The following ADAMTS16 variants were observed in gnomAD, a reference collection of about 807,000 sequenced individuals.
ADAMTS16 encodes A disintegrin and metalloproteinase with thrombospondin motifs 16.
Under a neutral mutation model 145.8 loss-of-function variants are expected in ADAMTS16, and 94 were observed. The observed-to-expected ratio is 0.64, with a 90% confidence interval of 0.55 to 0.77. The LOEUF (loss-of-function observed/expected upper bound fraction) is 0.77, where lower values mean the gene tolerates loss of function less well. Ranked by LOEUF, ADAMTS16 falls within the 30% of genes least tolerant of loss-of-function variation. The pLI, the probability that ADAMTS16 is intolerant of heterozygous loss-of-function variation, is 0.00. For missense variants in ADAMTS16, 1,585 were observed against 1,591.5 expected (o/e 1.00, Z 0.07); for synonymous variants, 659 against 604.3 (o/e 1.09, Z -1.33).
intron 18 of ADAMTS16, among the ~76,000 whole-genome samples, chr5:5,297,161 C>G (rs1289306457): frequency 6.6e-6 from 1 of 152,194 alleles, no homozygotes; most frequent in Non-Finnish European, 1.5e-5. Context: ...GGAGCCCTTC[C>G]CAGCACATAG....
Position 5,248,639 on chromosome 5 carries a change from A to G in ADAMTS16, c.2662+6448A>G, listed in dbSNP as rs181027865. On this transcript the variant is annotated intron_variant, in intron 17 of 22. Transcript: ENST00000274181. ...GGACGTGCCATTAGTCAGAGAAATA[A>G]TACCTGAGTCTCCATAAATGTTCGG... Among the ~76,000 whole-genome samples, 8 of 152,338 alleles carry G rather than the reference A, an allele frequency of 5.3e-5. No individual in the cohort carries two copies. In the South Asian group the frequency reaches 8.3e-4, roughly 16 times the overall value.
intron 18 of ADAMTS16, among the ~76,000 whole-genome samples, chr5:5,281,227 A>T (rs557948689): frequency 6.6e-6 from 1 of 152,344 alleles, no homozygotes; most frequent in African/African-American, 2.4e-5. Context: ...TACAAGGGGT[A>T]GCCCTAAGTT....
chr5:5,140,742 C>G lies in ADAMTS16; in HGVS notation c.151C>G (p.Arg51Gly). ...SVPRPPPPAE[R>G]PGWMEKGEYD... is the part of the protein sequence containing the mutation. ...CCCGCGTCCTCCTCCACCCGCGGAG[C>G]GGCCGGGCTGGATGGAAAAGGGCGG... Residue 51 changes from arginine (R) to glycine (G), a missense_variant, in exon 2 of 23, where the codon CGG becomes GGG. Arg to Gly is a moderately radical substitution (Grantham distance 125). Transcript: ENST00000274181. 3 of 1,567,372 alleles carry G rather than the reference C, an allele frequency of 1.9e-6. No individual in the cohort carries two copies. The highest frequency in any genetic ancestry group is 8.6e-7 in the Non-Finnish European group (1 of 1,157,588).
intron 9 of ADAMTS16, among the ~76,000 whole-genome samples, chr5:5,202,640 G>A (rs979708): frequency 0.72 from 108,770 of 152,086 alleles, 39,038 homozygotes; most frequent in East Asian, 0.82. Flanking sequence ...AGGAAAATTC[G>A]GAGTTTTCTA....
At chr5:5,155,798 T>G (rs1329061188) in intron 3 of ADAMTS16, among the ~76,000 whole-genome samples, 1 of 150,894 alleles carries the variant, frequency 6.6e-6, no homozygotes, top group Non-Finnish European at 1.5e-5. Flanking sequence ...AAACAGGAAG[T>G]GAGGGAACAG....
intron 3 of ADAMTS16, among the ~76,000 whole-genome samples, chr5:5,173,397 C>A (rs1054655494): frequency 2.7e-5 from 4 of 149,528 alleles, no homozygotes; most frequent in African/African-American, 9.8e-5. Context: ...TTGCTTTTTA[C>A]TGTTTGTGTA....
chr5:5,159,265 G>A (rs12153254), intron 3 of ADAMTS16, among the ~76,000 whole-genome samples: 288 of 152,296 alleles, frequency 1.9e-3, no homozygotes, highest in Non-Finnish European at 3.1e-3. Context: ...TGCTTCTTAA[G>A]TAAATGGAAA....
intron 10 of ADAMTS16, among the ~76,000 whole-genome samples, chr5:5,213,376 A>T (rs1442103924): frequency 6.6e-6 from 1 of 152,200 alleles, no homozygotes; most frequent in Non-Finnish European, 1.5e-5. Context: ...AGTTTTGAAG[A>T]TGAAAAGTGT....
intron 18 of ADAMTS16, among the ~76,000 whole-genome samples, chr5:5,288,286 G>A (rs1002783355): frequency 3.9e-5 from 6 of 152,180 alleles, no homozygotes; most frequent in Non-Finnish European, 7.3e-5. Flanking sequence ...TCTCCCGTGG[G>A]AAGGTCATTC....
chr5:5,175,228 C>T (rs574582948), intron 3 of ADAMTS16, among the ~76,000 whole-genome samples: 9 of 152,268 alleles, frequency 5.9e-5, no homozygotes, highest in African/African-American at 1.9e-4. Flanking sequence ...GGAGATGAAT[C>T]CTGACAGGAC....
rs534291295 is a variant in ADAMTS16, at chr5:5,230,983, G to C, written c.1702-1385G>C. ...TGTTTCATGTCTCCTGCATTAGAAA[G>C]CTATGACCAGATGGTTTTTAAAAAG... is the stretch of plus-strand genomic sequence containing the variant. On this transcript the variant is annotated intron_variant, in intron 11 of 22. Coordinates refer to ENST00000274181, the MANE Select transcript of ADAMTS16 (RefSeq NM_139056.4). Among the ~76,000 whole-genome samples, 5 of 152,284 alleles carry C rather than the reference G, an allele frequency of 3.3e-5. No homozygotes were observed. The South Asian group carries it at 6.2e-4, about 19-fold the overall frequency.
intron 7 of ADAMTS16, among the ~76,000 whole-genome samples, chr5:5,190,568 G>A (rs753935486): frequency 7.2e-5 from 11 of 151,760 alleles, no homozygotes; most frequent in African/African-American, 2.4e-4. Flanking sequence ...AGACATTTAC[G>A]GGGCTGGGTG....
intron 3 of ADAMTS16, among the ~76,000 whole-genome samples, chr5:5,153,904 G>A (rs2126515985): frequency 1.3e-5 from 2 of 152,300 alleles, no homozygotes; most frequent in South Asian, 4.1e-4. Context: ...ACTTGTAAAT[G>A]TTGTAATTCT....
chr5:5,288,212 C>A (rs1274365687), intron 18 of ADAMTS16, among the ~76,000 whole-genome samples: 1 of 152,166 alleles, frequency 6.6e-6, no homozygotes, highest in Non-Finnish European at 1.5e-5. Context: ...AGCCCATACA[C>A]AGTTGCTAGT....
intron 13 of ADAMTS16, among the ~76,000 whole-genome samples, chr5:5,236,264 A>C (rs1737101791): frequency 6.6e-6 from 1 of 151,988 alleles, no homozygotes; most frequent in Admixed American, 6.6e-5. Context: ...AAAAATTTCT[A>C]AGACAGATGA....
chr5:5,211,019 G>C (rs1736260463), intron 10 of ADAMTS16, among the ~76,000 whole-genome samples: 1 of 152,080 alleles, frequency 6.6e-6, no homozygotes, highest in African/African-American at 2.4e-5. Context: ...TTACATTTGT[G>C]TTCTTGATTG....
chr5:5,306,178 T>C (rs1740146599), intron 20 of ADAMTS16, among the ~76,000 whole-genome samples: 1 of 152,242 alleles, frequency 6.6e-6, no homozygotes, highest in African/African-American at 2.4e-5. Flanking sequence ...TGTACTTATG[T>C]ATTAAGTTTC....
intron 8 of ADAMTS16, among the ~76,000 whole-genome samples, chr5:5,196,568 G>C (rs13353847): frequency 0.2 from 30,493 of 152,118 alleles, 3,179 homozygotes; most frequent in South Asian, 0.26. Flanking sequence ...TTTATTTGTT[G>C]TCATTCCTCT....
intron 18 of ADAMTS16, among the ~76,000 whole-genome samples, chr5:5,263,049 G>C (rs1738090491): frequency 6.6e-6 from 1 of 152,200 alleles, no homozygotes; most frequent in South Asian, 2.1e-4. Flanking sequence ...TTGGTTGCAG[G>C]CTGGCAGGAG....
Sources: gnomAD v4.1 joint callset for allele counts (sites outside exome capture counted in the v4.1 genomes callset) on GRCh38, gnomAD v4.1.1 for gene constraint, MANE v1.5 for transcripts, NCBI Gene and HGNC (gene_info 2026-07-23, HGNC 2026-07-21) for gene names.